Variants in MCTP2 observed in about 807,000 individuals in gnomAD.
The protein encoded by MCTP2 is multiple C2 and transmembrane domain containing 2, also known as multiple C2 and transmembrane domain-containing protein 2.
In MCTP2, 132 loss-of-function variants were observed where a neutral mutation model predicts 111.6. That is an observed-to-expected ratio of 1.18 (90% CI 1.03 to 1.37). MCTP2 has a LOEUF of 1.37. MCTP2 is among the 40% of genes most tolerant of loss of function. The probability of loss-of-function intolerance (pLI) is 0.00; values close to 1 mark genes in which losing one functional copy is unlikely to be tolerated. For synonymous variants in MCTP2, 395 were observed against 387.7 expected (o/e 1.02, Z -0.22); for missense variants, 1,183 against 1,067.9 (o/e 1.11, Z -1.50).
intron 1 of MCTP2, among the ~76,000 whole-genome samples, chr15:94,260,334 CT>C (rs2073109433): frequency 6.6e-6 from 1 of 152,244 alleles, no homozygotes; most frequent in African/African-American, 2.4e-5. Context: ...GCCCACTCAA[CT>C]TTCTTGTTCA....
chr15:94,415,879 T>G (rs2082354479), intron 17 of MCTP2, among the ~76,000 whole-genome samples: 1 of 152,206 alleles, frequency 6.6e-6, no homozygotes, highest in South Asian at 2.1e-4. Context: ...TATATTGCTT[T>G]GATTATAACT....
At chr15:94,257,595 TTTTTTTTTTG>T in intron 1 of MCTP2, among the ~76,000 whole-genome samples, 1 of 68,266 alleles carries the variant, frequency 1.5e-5, no homozygotes. Flanking sequence ...TTTTTTTTTT[TTTTTTTTTTG>T]AGACGGAGTC....
intron 11 of MCTP2, among the ~76,000 whole-genome samples, chr15:94,369,783 C>G (rs1380987708): frequency 6.6e-6 from 1 of 152,130 alleles, no homozygotes; most frequent in Non-Finnish European, 1.5e-5. Flanking sequence ...TGTAATTCTA[C>G]CCACACGTTT....
intron 1 of MCTP2, among the ~76,000 whole-genome samples, chr15:94,278,965 C>T (rs2074347203): frequency 6.6e-6 from 1 of 152,106 alleles, no homozygotes; most frequent in African/African-American, 2.4e-5. Flanking sequence ...TAACCTGTTC[C>T]ATTGGTCTGT....
intron 7 of MCTP2, chr15:94,342,448 C>A (rs1449634784): frequency 6.6e-6 from 1 of 152,170 alleles, no homozygotes; most frequent in South Asian, 2.1e-4. Context: ...TGACTCCCCA[C>A]CTCCCATGTT....
At chr15:94,473,577 T>A (rs1336091666) in intron 21 of MCTP2, among the ~76,000 whole-genome samples, 2 of 152,342 alleles carry the variant, frequency 1.3e-5, no homozygotes, top group East Asian at 3.9e-4. Context: ...ATTTCCCATA[T>A]TCCTTCTATT....
rs535164229 is a variant in MCTP2 at position 94,371,985 on chromosome 15, TTAAAA to T, written c.1582+1808_1582+1812del. Among the ~76,000 whole-genome samples, 1,002 of 152,294 alleles carry T rather than the reference TTAAAA, an allele frequency of 6.6e-3. 12 individuals are homozygous for T. Among genetic ancestry groups the T allele is most frequent in the Non-Finnish European group, 7.8e-3 (533 of 68,028 alleles). On this transcript the variant is annotated intron_variant, in intron 12 of 22. Transcript: ENST00000357742. ...TCATCTCCAAAGAGTATTTTGACTA[TTAAAA>T]TAGAGTGAATAGGAGAGGATACCTG...
chr15:94,408,603 TTAAC>T (rs1341604715), intron 17 of MCTP2, among the ~76,000 whole-genome samples: 9 of 152,222 alleles, frequency 5.9e-5, no homozygotes, highest in African/African-American at 4.8e-5. Context: ...TTCTCAGGCA[TTAAC>T]TAATTATGCA....
At chr15:94,402,047 A>G (rs751521974) in intron 17 of MCTP2, 28 bp downstream of exon 17, 25 of 1,604,604 alleles carry the variant, frequency 1.6e-5, no homozygotes, top group South Asian at 2.2e-5. Context: ...TGTTCAAACT[A>G]TTTGCTTCTT....
intron 2 of MCTP2, among the ~76,000 whole-genome samples, chr15:94,309,056 C>T (rs2076013849): frequency 6.6e-6 from 1 of 152,166 alleles, no homozygotes; most frequent in South Asian, 2.1e-4. Flanking sequence ...ATTGTATGAT[C>T]CATAACCTCC....
At chr15:94,460,564 T>G (rs965101455) in intron 20 of MCTP2, among the ~76,000 whole-genome samples, 20 of 152,158 alleles carry the variant, frequency 1.3e-4, no homozygotes, top group African/African-American at 4.3e-4. Context: ...ATCATGTTGT[T>G]TGGTAAAACT....
At chr15:94,247,326 C>G (rs768282482) in intron 1 of MCTP2, among the ~76,000 whole-genome samples, 2 of 152,070 alleles carry the variant, frequency 1.3e-5, no homozygotes, top group Non-Finnish European at 2.9e-5. Context: ...CTGGGGAATT[C>G]CAGCTGTCTC....
At chr15:94,358,687 G>A in intron 10 of MCTP2, 75 bp downstream of exon 10, 2 of 1,553,830 alleles carry the variant, frequency 1.3e-6, no homozygotes, top group Non-Finnish European at 1.7e-6. Flanking sequence ...ATCTTTATCT[G>A]TTAGGGCTGA....
At chr15:94,259,033 A>C (rs563840787) in intron 1 of MCTP2, among the ~76,000 whole-genome samples, 71 of 152,316 alleles carry the variant, frequency 4.7e-4, no homozygotes, top group African/African-American at 1.6e-3. Context: ...GAACACATTA[A>C]GTCAGTGTGA....
chr15:94,287,675 A>G (rs544559939), intron 1 of MCTP2, among the ~76,000 whole-genome samples: 7 of 152,348 alleles, frequency 4.6e-5, no homozygotes, highest in South Asian at 4.1e-4. Flanking sequence ...TCAGAAAAGT[A>G]AAGCTACAGC....
At chr15:94,303,684 G>A (rs2152343758) in intron 2 of MCTP2, among the ~76,000 whole-genome samples, 1 of 152,306 alleles carries the variant, frequency 6.6e-6, no homozygotes, top group South Asian at 2.1e-4. Context: ...CAACATGTGG[G>A]AATTATGGGA....
At chr15:94,245,440 A>G (rs565576781) in intron 1 of MCTP2, among the ~76,000 whole-genome samples, 2 of 138,538 alleles carry the variant, frequency 1.4e-5, no homozygotes, top group South Asian at 2.2e-4. Context: ...ATTTATATAT[A>G]CACATATATG....
At chr15:94,437,150 A>C (rs2083520116) in intron 17 of MCTP2, among the ~76,000 whole-genome samples, 1 of 132,690 alleles carries the variant, frequency 7.5e-6, no homozygotes, top group Non-Finnish European at 1.6e-5. Flanking sequence ...TCACACTTAC[A>C]CATCCAAAAA....
In MCTP2 at chr15:94,443,047, CTTTTTT is replaced by C. The variant is rs529237554; in HGVS notation, c.2250+99_2250+104del. 120 of 575,502 alleles carry C rather than the reference CTTTTTT, an allele frequency of 2.1e-4. No individual in the cohort carries two copies. In the African/African-American group the frequency reaches 2.3e-3, roughly 11 times the overall value. The allele number at this position is 575,502 out of a possible 1,614,324, so 35.6% of individuals were successfully genotyped here. ...CCTTCAGGTTGAGTCTCTCTCCTCT[CTTTTTT>C]TTTTTTTTTTTAATATGATAGAGTT... On this transcript the variant is annotated intron_variant, in intron 19 of 22. Transcript: ENST00000357742.
Sources: gnomAD v4.1 joint callset for allele counts (sites outside exome capture counted in the v4.1 genomes callset) on GRCh38, gnomAD v4.1.1 for gene constraint, MANE v1.5 for transcripts, NCBI Gene and HGNC (gene_info 2026-07-23, HGNC 2026-07-21) for gene names.